TTC17: variants seen among roughly 807,000 people sequenced by gnomAD.
TTC17 encodes the protein tetratricopeptide repeat domain 17.
TTC17 carries 58 observed loss-of-function variants against 143.8 expected under a neutral mutation model. That is an observed-to-expected ratio of 0.40 (90% confidence interval 0.33 to 0.50). The LOEUF (loss-of-function observed/expected upper bound fraction) is 0.50. TTC17 is among the 20% of genes least tolerant of loss of function. TTC17 has a pLI of 0.49. For missense variants in TTC17, 1,273 were observed against 1,392.5 expected, an observed-to-expected ratio of 0.91 and a Z score of 1.37; for synonymous variants, 501 against 497.8, an observed-to-expected ratio of 1.01 and a Z score of -0.09.
Position 43,397,899 on chromosome 11 carries a change from TC to T in TTC17, c.919-73del. The T allele has an allele frequency of 6.7e-6, 10 of 1,487,494 alleles. No individual in the cohort carries two copies. The Middle Eastern group carries it at 6.4e-4, about 96-fold the overall frequency. 92.1% of individuals were successfully genotyped at this position (1,487,494 alleles called of 1,614,324 possible). On this transcript the variant is annotated intron_variant, in intron 7 of 23. Coordinates refer to ENST00000039989, the MANE Select transcript of TTC17 (RefSeq NM_018259.6). ...CCAGGCCGTGGCTAACATTTTTTTT[TC>T]CGTGTGTGTGTGTGTGTGTGTGTGT...
chr11:43,424,073 A>C (rs1946967537), intron 16 of TTC17, among the ~76,000 whole-genome samples: 1 of 151,792 alleles, frequency 6.6e-6, no homozygotes, highest in Non-Finnish European at 1.5e-5. Context: ...TGAAACCAAT[A>C]ATCATTCTTT....
chr11:43,368,648 G>A (rs1358826826), intron 1 of TTC17, among the ~76,000 whole-genome samples: 3 of 152,106 alleles, frequency 2.0e-5, no homozygotes, highest in Admixed American at 2.0e-4. Context: ...TTGTCCCCTA[G>A]ATCTGTTATC....
intron 21 of TTC17, among the ~76,000 whole-genome samples, chr11:43,462,540 C>CCCTGCTGA (rs1947888315): frequency 6.6e-6 from 1 of 152,160 alleles, no homozygotes; most frequent in African/African-American, 2.4e-5. Flanking sequence ...GGGAGCACAG[C>CCCTGCTGA]CCTGCTGACA....
intron 16 of TTC17, among the ~76,000 whole-genome samples, chr11:43,418,107 AT>A (rs869226002): frequency 1.3e-5 from 2 of 152,200 alleles, no homozygotes; most frequent in Non-Finnish European, 2.9e-5. Flanking sequence ...TGCTAAAAAA[AT>A]TTTTTTGTAC....
chr11:43,394,398 C>T (rs1177505898), intron 5 of TTC17, among the ~76,000 whole-genome samples: 4 of 152,128 alleles, frequency 2.6e-5, no homozygotes, highest in Non-Finnish European at 5.9e-5. Context: ...TTGAAGGGGC[C>T]ACAACTGGAA....
intron 21 of TTC17, among the ~76,000 whole-genome samples, chr11:43,484,295 A>G (rs1165735240): frequency 2.6e-5 from 4 of 152,226 alleles, no homozygotes; most frequent in South Asian, 2.1e-4. Context: ...CGTAAACTCA[A>G]TAAATAAAAA....
chr11:43,490,851 C>T (rs1948461383), intron 22 of TTC17: 1 of 89,338 alleles, frequency 1.1e-5, no homozygotes, highest in Admixed American at 1.6e-4. Flanking sequence ...TCTACTTTTT[C>T]CACAAAAAAA....
intron 1 of TTC17, among the ~76,000 whole-genome samples, chr11:43,359,797 C>A (rs761782408): frequency 6.6e-6 from 1 of 152,218 alleles, no homozygotes; most frequent in Non-Finnish European, 1.5e-5. Context: ...GTTTCTTTAC[C>A]TAGTTCTTGT....
intron 1 of TTC17, 175 bp from the exon 2 acceptor site, chr11:43,379,058 A>G (rs1188888243): frequency 6.5e-6 from 4 of 615,282 alleles, no homozygotes; most frequent in Admixed American, 3.3e-5. Context: ...TGCACTTGTC[A>G]TTCCCTTTGC....
chr11:43,387,240 T>C (rs138810617), intron 2 of TTC17, among the ~76,000 whole-genome samples: 382 of 152,354 alleles, frequency 2.5e-3, no homozygotes, highest in Non-Finnish European at 4.3e-3. Context: ...TTATAGTGTA[T>C]TAGTCAGCTT....
chr11:43,401,005 C>CTAT (rs1260558087), intron 9 of TTC17, among the ~76,000 whole-genome samples: 4 of 152,158 alleles, frequency 2.6e-5, no homozygotes, highest in Non-Finnish European at 4.4e-5. Context: ...GTTTTCTTTG[C>CTAT]TATTATGAGT....
In TTC17 at chr11:43,443,367, A is replaced by G. The variant is rs1353614793; in HGVS notation, c.2294A>G (p.Asn765Ser). 4 of 1,614,136 alleles carry G rather than the reference A, an allele frequency of 2.5e-6. No individual in the cohort carries two copies. The highest frequency in any genetic ancestry group is 1.3e-5 in the African/African-American group (1 of 75,026). Residue 765 changes from asparagine (N) to serine (S), a missense_variant, in exon 17 of 24, where the codon AAT (asparagine) becomes AGT (serine). Physicochemically the swap from Asn to Ser is conservative, Grantham distance 46. Coordinates refer to ENST00000039989, the MANE Select transcript of TTC17 (RefSeq NM_018259.6). ...EESNGSDEMENSDETKMSEEI... is the reference protein window; with the variant it reads ...EESNGSDEMESSDETKMSEEI... ...AGCAATGGTTCTGATGAGATGGAGA[A>G]TTCAGATGAAACCAAAATGTCAGAA... is the stretch of plus-strand genomic sequence containing the variant.
chr11:43,458,887 AT>A (rs779914030), intron 21 of TTC17, among the ~76,000 whole-genome samples: 32 of 152,196 alleles, frequency 2.1e-4, no homozygotes, highest in Admixed American at 6.5e-4. Flanking sequence ...ATTATTATTA[AT>A]CTCTTACTGT....
chr11:43,398,140 A>G (rs1000766386), intron 8 of TTC17, 27 bp downstream of exon 8: 9 of 1,613,066 alleles, frequency 5.6e-6, no homozygotes, highest in African/African-American at 4.0e-5. Context: ...ATTTCACTCA[A>G]GCATTAGCAC....
At chr11:43,438,881 A>G (rs553501922) in intron 16 of TTC17, among the ~76,000 whole-genome samples, 1 of 152,346 alleles carries the variant, frequency 6.6e-6, no homozygotes, top group African/African-American at 2.4e-5. Flanking sequence ...CTCTGCAGCC[A>G]TTAACTGGCT....
chr11:43,456,378 T>C (rs1380169070), intron 21 of TTC17, among the ~76,000 whole-genome samples: 1 of 152,080 alleles, frequency 6.6e-6, no homozygotes, highest in African/African-American at 2.4e-5. Context: ...TCTAATAAAA[T>C]CATATGTCTG....
chr11:43,412,700 T>G (rs145107315), intron 15 of TTC17, among the ~76,000 whole-genome samples: 217 of 152,212 alleles, frequency 1.4e-3, no homozygotes, highest in African/African-American at 5.1e-3. Flanking sequence ...CAGATGGGGA[T>G]GTACAGCCAG....
At chr11:43,486,771 C>T (rs935505939) in intron 21 of TTC17, among the ~76,000 whole-genome samples, 2 of 152,150 alleles carry the variant, frequency 1.3e-5, no homozygotes, top group African/African-American at 4.8e-5. Context: ...CACGGTGACT[C>T]ATTCTGATAA....
At chr11:43,413,898 C>T (rs965114583) in intron 15 of TTC17, among the ~76,000 whole-genome samples, 11 of 152,106 alleles carry the variant, frequency 7.2e-5, no homozygotes, top group Non-Finnish European at 1.6e-4. Flanking sequence ...TTGTTATCTA[C>T]TAAAACTAAA....
Sources: gnomAD v4.1 joint callset for allele counts (sites outside exome capture counted in the v4.1 genomes callset) on GRCh38, gnomAD v4.1.1 for gene constraint, MANE v1.5 for transcripts, NCBI Gene and HGNC (gene_info 2026-07-23, HGNC 2026-07-21) for gene names.